The following KCNH5 variants were observed in gnomAD, a reference collection of about 807,000 sequenced individuals.
KCNH5 encodes the protein potassium voltage-gated channel subfamily H member 5, also known as voltage-gated delayed rectifier potassium channel KCNH5.
KCNH5 carries 46 observed loss-of-function variants against 96.1 expected under a neutral mutation model. That is an observed-to-expected ratio of 0.48 (90% CI 0.38 to 0.61). The LOEUF (loss-of-function observed/expected upper bound fraction) is 0.61, where lower values mean the gene tolerates loss of function less well. Ranked by LOEUF, KCNH5 falls within the 20% of genes least tolerant of loss-of-function variation. The pLI, the probability that KCNH5 is intolerant of heterozygous loss-of-function variation, is 0.00. For synonymous variants in KCNH5, 439 were observed against 449.8 expected (o/e 0.98, Z 0.30); for missense variants, 907 against 1,225.8 (o/e 0.74, Z 3.88).
At chr14:62,724,085 T>C (rs1454184157) in intron 10 of KCNH5, among the ~76,000 whole-genome samples, 2 of 152,210 alleles carry the variant, frequency 1.3e-5, no homozygotes, top group African/African-American at 4.8e-5. Context: ...GGAGACAGTA[T>C]TTCCTCGCCT....
At chr14:62,712,767 C>T (rs375931501) in intron 10 of KCNH5, 26 of 756,954 alleles carry the variant, frequency 3.4e-5, no homozygotes, top group Admixed American at 9.0e-5. Context: ...GCTGGGAAAG[C>T]GGTAGCCTAG....
intron 8 of KCNH5, among the ~76,000 whole-genome samples, chr14:62,827,293 C>A (rs1230045612): frequency 6.6e-6 from 1 of 152,094 alleles, no homozygotes. Context: ...ACCCAAAGTA[C>A]GGTTTGTGAG....
At chr14:62,974,178 T>G (rs1890459958) in intron 6 of KCNH5, among the ~76,000 whole-genome samples, 1 of 152,218 alleles carries the variant, frequency 6.6e-6, no homozygotes, top group African/African-American at 2.4e-5. Context: ...AATGCATGAG[T>G]TATCTTTTCC....
At chr14:62,751,229 CA>C (rs777113365) in intron 10 of KCNH5, among the ~76,000 whole-genome samples, 1 of 152,094 alleles carries the variant, frequency 6.6e-6, no homozygotes, top group Non-Finnish European at 1.5e-5. Flanking sequence ...AAGAGAAAAC[CA>C]AAGTCCTTGA....
chr14:62,783,908 A>G (rs1018513352), intron 9 of KCNH5, among the ~76,000 whole-genome samples: 9 of 151,054 alleles, frequency 6.0e-5, no homozygotes, highest in Admixed American at 5.9e-4. Flanking sequence ...AGACTAAAAG[A>G]ATTGTCAATT....
At chr14:62,931,196 T>C (rs2140115873) in intron 7 of KCNH5, among the ~76,000 whole-genome samples, 1 of 152,254 alleles carries the variant, frequency 6.6e-6, no homozygotes, top group South Asian at 2.1e-4. Context: ...ACCTACAGGT[T>C]AAATAGACAG....
intron 1 of KCNH5, among the ~76,000 whole-genome samples, chr14:63,038,840 C>G (rs1891771132): frequency 6.6e-6 from 1 of 151,896 alleles, no homozygotes; most frequent in Non-Finnish European, 1.5e-5. Flanking sequence ...TTTTAATTAT[C>G]TTTAAATGAT....
chr14:62,848,194 G>A lies in KCNH5; in HGVS notation c.1569+1459C>T, dbSNP rs115673398. On this transcript the variant is annotated intron_variant, in intron 8 of 10. Coordinates refer to ENST00000322893, the MANE Select transcript of KCNH5 (RefSeq NM_139318.5). ...TGCTGAGATAGTGATTGACGAGGCC[G>A]GTGGTTGCCTCTTGATCTGTTTCAT... is the stretch of plus-strand genomic sequence containing the variant. Among the ~76,000 whole-genome samples the A allele has an allele frequency of 2.5e-3, 384 of 152,256 alleles. 4 individuals carry two copies. The highest frequency in any genetic ancestry group is 8.8e-3 in the African/African-American group (366 of 41,542).
At chr14:62,940,631 G>A (rs117768602) in intron 7 of KCNH5, among the ~76,000 whole-genome samples, 3,028 of 152,206 alleles carry the variant, frequency 0.02, 58 homozygotes, top group East Asian at 0.082. Context: ...GGAGTTCCCC[G>A]AAAGGGCCAA....
At chr14:62,955,169 T>C (rs771038196) in intron 6 of KCNH5, among the ~76,000 whole-genome samples, 37 of 151,892 alleles carry the variant, frequency 2.4e-4, no homozygotes, top group Non-Finnish European at 4.0e-4. Flanking sequence ...AGGGCACTAT[T>C]TATATTCAAA....
chr14:62,816,328 GA>G (rs1009555036), intron 8 of KCNH5, among the ~76,000 whole-genome samples: 4 of 151,764 alleles, frequency 2.6e-5, no homozygotes, highest in African/African-American at 4.8e-5. Context: ...GTGTATGTGT[GA>G]AAAAATATAT....
chr14:62,716,005 G>A (rs189400519), intron 10 of KCNH5, among the ~76,000 whole-genome samples: 2 of 152,086 alleles, frequency 1.3e-5, no homozygotes, highest in East Asian at 1.9e-4. Context: ...TGTTCTAAGC[G>A]TCATTTTCTT....
At chr14:62,804,823 A>C (rs766366567) in intron 8 of KCNH5, among the ~76,000 whole-genome samples, 14 of 152,214 alleles carry the variant, frequency 9.2e-5, no homozygotes, top group Non-Finnish European at 1.9e-4. Context: ...TAGCAAGGGC[A>C]GAGGAAATAC....
At chr14:62,949,800 CTTT>C (rs10523496) in intron 7 of KCNH5, 11,886 of 168,030 alleles carry the variant, frequency 0.071, 1,435 homozygotes, top group African/African-American at 0.29. Flanking sequence ...GATCCTATCT[CTTT>C]TTTTTTTTTT....
At chr14:62,827,284 C>A (rs7140885) in intron 8 of KCNH5, among the ~76,000 whole-genome samples, 4,285 of 152,194 alleles carry the variant, frequency 0.028, 91 homozygotes, top group South Asian at 0.056. Context: ...TACTTTGCTA[C>A]CCAAAGTACG....
At position 62,707,938 on chromosome 14, in the gene KCNH5, C is replaced by T. The variant is rs749102211; in HGVS notation, c.2537G>A (p.Ser846Asn). Residue 846 changes from serine (S) to asparagine (N), a missense_variant, in exon 11 of 11, where the codon AGC becomes AAC. By Grantham distance (46) the Ser-to-Asn change is conservative. Around this residue, in one of 6 missense-constraint regions of KCNH5, gnomAD observed 362 missense variants for 394.4 expected, o/e 0.92. Coordinates refer to ENST00000322893, the MANE Select transcript of KCNH5 (RefSeq NM_139318.5). ...SMGLLSEDPK[S>N]SDSENSVTKN... ...GGTCACACTGTTCTCTGAATCACTG[C>T]TCTTGGGGTCCTCAGACAATAGCCC... 5 of 1,614,178 alleles carry T rather than the reference C, an allele frequency of 3.1e-6. No homozygotes were observed. Among genetic ancestry groups the T allele is most frequent in the Non-Finnish European group, 3.4e-6 (4 of 1,180,040 alleles).
At chr14:62,723,218 C>T (rs949926331) in intron 10 of KCNH5, among the ~76,000 whole-genome samples, 7 of 151,968 alleles carry the variant, frequency 4.6e-5, no homozygotes, top group Admixed American at 1.3e-4. Context: ...AAATAGTTGT[C>T]AATTTTTACA....
intron 10 of KCNH5, among the ~76,000 whole-genome samples, chr14:62,734,442 T>A (rs1339484075): frequency 6.6e-6 from 1 of 152,120 alleles, no homozygotes; most frequent in African/African-American, 2.4e-5. Context: ...AAAGTCATAA[T>A]ATTTTATGCC....
chr14:62,987,798 A>G (rs1211815288), intron 4 of KCNH5, among the ~76,000 whole-genome samples: 1 of 152,168 alleles, frequency 6.6e-6, no homozygotes, highest in Non-Finnish European at 1.5e-5. Context: ...TTAAGCCACT[A>G]AAAGTTGGGG....
Sources: gnomAD v4.1 joint callset for allele counts (sites outside exome capture counted in the v4.1 genomes callset) on GRCh38, gnomAD v4.1.1 for gene constraint, gnomAD v4.1.1 regional missense constraint, MANE v1.5 for transcripts, NCBI Gene and HGNC (gene_info 2026-07-23, HGNC 2026-07-21) for gene names.